Variants in BCOR observed in about 807,000 individuals in gnomAD.
BCOR encodes BCL-6 corepressor.
A neutral mutation model predicts 86.7 loss-of-function variants in BCOR; 10 were observed. The ratio of observed to expected loss-of-function variants is 0.12; its 90% confidence interval spans 0.07 to 0.20. The LOEUF (loss-of-function observed/expected upper bound fraction) is 0.20. Ranked by LOEUF, BCOR falls within the 10% of genes least tolerant of loss-of-function variation. BCOR has a pLI of 1.00. For missense variants in BCOR, 1,259 were observed against 1,452.1 expected (o/e 0.87, Z 2.16); for synonymous variants, 611 against 609.0 (o/e 1.00, Z -0.05).
At chrX:40,152,239 C>T (rs966553331) in intron 1 of BCOR, among the ~76,000 whole-genome samples, 4 of 110,959 alleles carry the variant, frequency 3.6e-5, no homozygotes, top group East Asian at 2.9e-4. Context: ...ATGCTCAGAA[C>T]CCAGGCGCTT....
chrX:40,137,084 G>C (rs1937695972), intron 1 of BCOR, among the ~76,000 whole-genome samples: 1 of 112,353 alleles, frequency 8.9e-6, no homozygotes, highest in African/African-American at 3.2e-5. Context: ...ACTTCAAAGG[G>C]ACTTATGTGG....
chrX:40,125,276 C>A, intron 1 of BCOR, among the ~76,000 whole-genome samples: 1 of 111,724 alleles, frequency 9.0e-6, no homozygotes, highest in South Asian at 3.7e-4. Context: ...CTCTGTCACC[C>A]AGGCTGGAGT....
intron 1 of BCOR, among the ~76,000 whole-genome samples, chrX:40,109,854 G>A (rs1221051908): frequency 9.0e-6 from 1 of 111,726 alleles, no homozygotes; most frequent in African/African-American, 3.2e-5. Flanking sequence ...CTGCGGCGTC[G>A]CAGAAGGAGG....
intron 1 of BCOR, among the ~76,000 whole-genome samples, chrX:40,156,733 T>A (rs1361868162): frequency 9.2e-6 from 1 of 108,694 alleles, no homozygotes; most frequent in East Asian, 2.9e-4. Flanking sequence ...TCCTAGGGCT[T>A]AGGCGCCCCG....
intron 7 of BCOR, 89 bp from the exon 8 acceptor site, chrX:40,064,041 G>T: frequency 1.6e-6 from 1 of 637,054 alleles, no homozygotes; most frequent in East Asian, 3.7e-5. Context: ...GGGGGAGGGG[G>T]GGTGTGGTCA....
intron 1 of BCOR, among the ~76,000 whole-genome samples, chrX:40,095,623 T>C (rs1320888419): frequency 8.9e-6 from 1 of 112,226 alleles, no homozygotes; most frequent in African/African-American, 3.2e-5. Context: ...CCCCGAGCTG[T>C]CTAGTCTAGA....
chrX:40,123,437 C>G (rs1942750375), intron 1 of BCOR, among the ~76,000 whole-genome samples: 1 of 110,202 alleles, frequency 9.1e-6, no homozygotes, highest in Non-Finnish European at 1.9e-5. Flanking sequence ...ACTGCAACCT[C>G]CGCCTCCCGG....
At chrX:40,165,769 TTATCTATC>T (rs35175801) in intron 1 of BCOR, among the ~76,000 whole-genome samples, 33 of 111,431 alleles carry the variant, frequency 3.0e-4, no homozygotes, top group South Asian at 7.4e-4. Flanking sequence ...GGGCATGAGA[TTATCTATC>T]TATCTATCTA....
At chrX:40,161,506 C>T (rs1382154449) in intron 1 of BCOR, among the ~76,000 whole-genome samples, 2 of 55,987 alleles carry the variant, frequency 3.6e-5, no homozygotes, top group East Asian at 5.1e-4. Context: ...CGATTCTCCC[C>T]TTTTTTTTTT....
At chrX:40,129,660 G>A (rs888525648) in intron 1 of BCOR, among the ~76,000 whole-genome samples, 5 of 109,663 alleles carry the variant, frequency 4.6e-5, no homozygotes, top group Middle Eastern at 4.7e-3. Context: ...GAGCTGCGGG[G>A]CCTTAGGGAG....
chrX:40,119,274 G>C (rs376265316), intron 1 of BCOR, among the ~76,000 whole-genome samples: 1 of 104,855 alleles, frequency 9.5e-6, no homozygotes, highest in Non-Finnish European at 2.0e-5. Flanking sequence ...TGGTGGTGCC[G>C]GTGGGGGGTG....
intron 10 of BCOR, among the ~76,000 whole-genome samples, chrX:40,058,195 C>T (rs1934695962): frequency 1.8e-5 from 2 of 112,685 alleles, no homozygotes; most frequent in South Asian, 7.3e-4. Context: ...ATTAATCTCA[C>T]TTCTTTGGCG....
intron 1 of BCOR, among the ~76,000 whole-genome samples, chrX:40,106,004 G>C (rs993261147): frequency 8.9e-6 from 1 of 112,810 alleles, no homozygotes; most frequent in Admixed American, 9.2e-5. Context: ...GGCGGGGGAC[G>C]GGAGTAGGTC....
intron 1 of BCOR, among the ~76,000 whole-genome samples, chrX:40,132,653 T>C (rs2147914907): frequency 8.9e-6 from 1 of 112,208 alleles, no homozygotes; most frequent in African/African-American, 3.2e-5. Context: ...ATCCGTGGTG[T>C]TCCCACTTGA....
In BCOR at chrX:40,055,429, C is replaced by T. The variant is rs146007249; in HGVS notation, c.4680G>A (p.Thr1560=). The T allele has an allele frequency of 2.8e-4, 338 of 1,208,856 alleles. 1 individual carries two copies. In the African/African-American group the frequency reaches 4.3e-3, roughly 15 times the overall value. ...LSYGADPTLA[T]YSGRTIMKMT... is the part of the protein sequence containing the mutation. ...TTTTCATGATGGTTCTACCTGAGTA[C>T]GTAGCCAAGGTGGGGTCAGCACCAT... The change falls in exon 12 of 15, where the codon ACG becomes ACA. Residue 1560 remains threonine (T), a synonymous_variant. Transcript: ENST00000378444.
intron 1 of BCOR, among the ~76,000 whole-genome samples, chrX:40,174,340 C>T (rs1476882104): frequency 8.9e-6 from 1 of 111,830 alleles, no homozygotes; most frequent in Non-Finnish European, 1.9e-5. Context: ...TTCACAGCCT[C>T]CGGCCCCTAC....
At chrX:40,155,247 C>A (rs1203562559) in intron 1 of BCOR, among the ~76,000 whole-genome samples, 1 of 112,675 alleles carries the variant, frequency 8.9e-6, no homozygotes, top group African/African-American at 3.2e-5. Flanking sequence ...CTCTCGCAGA[C>A]GGAAGGCATT....
chrX:40,099,357 C>A (rs1449710814), upstream of BCOR, among the ~76,000 whole-genome samples: 3 of 111,303 alleles, frequency 2.7e-5, no homozygotes, highest in African/African-American at 6.6e-5. Flanking sequence ...AGGGGGTATT[C>A]CGGACTAACC....
intron 1 of BCOR, among the ~76,000 whole-genome samples, chrX:40,090,831 GCGA>G (rs2147604845): frequency 8.9e-6 from 1 of 111,867 alleles, no homozygotes; most frequent in Admixed American, 9.4e-5. Flanking sequence ...TAGCACGACT[GCGA>G]GCGTCTGGCC....
Sources: allele counts gnomAD v4.1 joint callset (sites outside exome capture counted in the v4.1 genomes callset), GRCh38; gene constraint gnomAD v4.1.1; transcripts MANE v1.5; gene names NCBI Gene and HGNC (gene_info 2026-07-23, HGNC 2026-07-21).